The following NHEJ1 variants were observed in gnomAD, a reference collection of about 807,000 sequenced individuals.
NHEJ1 encodes the protein non-homologous end-joining factor 1.
Under a neutral mutation model 39.4 loss-of-function variants are expected in NHEJ1, and 22 were observed. That is an observed-to-expected ratio of 0.56 (90% CI 0.40 to 0.80). NHEJ1 has a LOEUF of 0.80. NHEJ1 is among the 30% of genes least tolerant of loss of function. NHEJ1 has a pLI of 0.00. For missense variants in NHEJ1, 329 were observed against 357.1 expected (o/e 0.92, Z 0.63); for synonymous variants, 154 against 135.6 (o/e 1.14, Z -0.94).
rs111837995 is a variant in NHEJ1, at chr2:219,158,092, C to T, written c.177+94G>A. On this transcript the variant is annotated intron_variant, in intron 2 of 7. Coordinates refer to ENST00000356853, the MANE Select transcript of NHEJ1 (RefSeq NM_024782.3). Reference sequence around the variant, plus strand: ...AGTACAGGACATTAACTGGAATTGTCTCAACCCGATTCAACCTTCCTTGGG... The same window carrying T: ...AGTACAGGACATTAACTGGAATTGTTTCAACCCGATTCAACCTTCCTTGGG... 38 of 1,315,732 alleles carry T rather than the reference C, an allele frequency of 2.9e-5. 1 individual carries two copies. The highest frequency in any genetic ancestry group is 2.8e-4 in the African/African-American group (19 of 68,998). The allele number at this position is 1,315,732 out of a possible 1,614,324, so 81.5% of individuals were successfully genotyped here. A position where few individuals can be genotyped will look rare whatever the true frequency, so the allele number is the denominator to read the frequency against.
At chr2:219,080,612 A>T (rs904299714) in intron 5 of NHEJ1, among the ~76,000 whole-genome samples, 1 of 121,060 alleles carries the variant, frequency 8.3e-6, no homozygotes, top group African/African-American at 2.8e-5. Context: ...AATATATATA[A>T]GCTTATATAT....
intron 3 of NHEJ1, among the ~76,000 whole-genome samples, chr2:219,153,175 C>G (rs1949814194): frequency 6.6e-6 from 1 of 152,148 alleles, no homozygotes. Flanking sequence ...TAATGCTAAA[C>G]ATAAGTAATA....
intron 3 of NHEJ1, among the ~76,000 whole-genome samples, chr2:219,151,034 G>C (rs1259548970): frequency 1.3e-5 from 2 of 151,454 alleles, no homozygotes; most frequent in African/African-American, 4.9e-5. Flanking sequence ...AGGCTGAGGT[G>C]GGAGAACTGC....
chr2:219,070,398 G>A lies in NHEJ1; in HGVS notation c.*5983C>T, dbSNP rs187052111. 2.0e-5 allele frequency among the ~76,000 whole-genome samples: 3 copies of A among 152,226 alleles called. No individual in the cohort carries two copies. In the East Asian group the frequency reaches 5.8e-4, roughly 29 times the overall value. Reference sequence around the variant, plus strand: ...GTAGAGATGGGGTTTCACCATGTTGGCCAGGCTGGTCTCAAATTCCTGACC... The same window carrying A: ...GTAGAGATGGGGTTTCACCATGTTGACCAGGCTGGTCTCAAATTCCTGACC... On this transcript the variant is annotated 3_prime_UTR_variant, in exon 8 of 8. Coordinates refer to ENST00000356853, the MANE Select transcript of NHEJ1 (RefSeq NM_024782.3).
At chr2:219,160,168 G>A (rs925527661) in intron 1 of NHEJ1, among the ~76,000 whole-genome samples, 7 of 152,164 alleles carry the variant, frequency 4.6e-5, no homozygotes, top group Admixed American at 3.3e-4. Context: ...TCCCGGCGGA[G>A]GGGTCCCTTG....
chr2:219,129,472 A>C (rs772302892), intron 5 of NHEJ1, among the ~76,000 whole-genome samples: 156 of 152,290 alleles, frequency 1.0e-3, no homozygotes, highest in Admixed American at 3.3e-3. Context: ...ACTCTGATAA[A>C]TCAAGAACCT....
chr2:219,147,793 G>C lies in NHEJ1; in HGVS notation c.393C>G (p.Val131=). 1 of 1,614,138 alleles carries C rather than the reference G, an allele frequency of 6.2e-7. No individual in the cohort carries two copies. ...FHCMLASPSL[V]SQHLIRPLMG... ...TCAGAGGACGAATCAAATGTTGGGA[G>C]ACCTTTGAGGGAAGAGATATCAATT... The change falls in exon 4 of 8, where the codon GTC becomes GTG. Residue 131 remains valine, a splice_region_variant and synonymous_variant. Coordinates refer to ENST00000356853, the MANE Select transcript of NHEJ1 (RefSeq NM_024782.3).
intron 5 of NHEJ1, among the ~76,000 whole-genome samples, chr2:219,136,227 T>C (rs1397202501): frequency 6.6e-6 from 1 of 152,072 alleles, no homozygotes; most frequent in Non-Finnish European, 1.5e-5. Context: ...ACCCCCTTTG[T>C]ATTCTTTCTT....
chr2:219,073,610 T>C lies in NHEJ1; in HGVS notation c.*2771A>G, dbSNP rs997014397. Among the ~76,000 whole-genome samples the C allele has an allele frequency of 6.6e-6, 1 of 152,200 alleles. No individual in the cohort carries two copies. The highest frequency in any genetic ancestry group is 6.5e-5 in the Admixed American group (1 of 15,284). On this transcript the variant is annotated 3_prime_UTR_variant, in exon 8 of 8. Transcript: ENST00000356853. The stretch of plus-strand genomic sequence containing the variant: ...TATTTCTCTACTTTTTAGGTCAAGT[T>C]CCTGCAGGAACTTCCTCGAGGTCCC...
chr2:219,116,822 T>C (rs1268861769), intron 5 of NHEJ1, among the ~76,000 whole-genome samples: 2 of 151,976 alleles, frequency 1.3e-5, no homozygotes, highest in Non-Finnish European at 2.9e-5. Flanking sequence ...AACAAACCAG[T>C]TTGATTGGGA....
chr2:219,078,309 T>C, intron 5 of NHEJ1, 103 bp from the exon 6 acceptor site: 3 of 1,009,276 alleles, frequency 3.0e-6, no homozygotes, highest in Non-Finnish European at 4.7e-6. Flanking sequence ...TGAATTAATA[T>C]AAAGCAGTTA....
At chr2:219,124,211 G>A (rs1391703563) in intron 5 of NHEJ1, among the ~76,000 whole-genome samples, 1 of 152,174 alleles carries the variant, frequency 6.6e-6, no homozygotes, top group East Asian at 1.9e-4. Flanking sequence ...GGAACTGGGA[G>A]GAGTAGGGAA....
intron 5 of NHEJ1, among the ~76,000 whole-genome samples, chr2:219,119,875 A>G (rs949096029): frequency 1.3e-5 from 2 of 152,226 alleles, no homozygotes; most frequent in Non-Finnish European, 2.9e-5. Flanking sequence ...CCAGTCCTAC[A>G]GCTCTTTGTG....
chr2:219,140,790 G>T (rs1240166398), intron 5 of NHEJ1, among the ~76,000 whole-genome samples: 1 of 152,226 alleles, frequency 6.6e-6, no homozygotes, highest in African/African-American at 2.4e-5. Context: ...CTACAGTGAA[G>T]AATAAATGTG....
intron 5 of NHEJ1, among the ~76,000 whole-genome samples, chr2:219,129,477 G>A (rs1453462023): frequency 6.6e-6 from 1 of 152,166 alleles, no homozygotes; most frequent in Non-Finnish European, 1.5e-5. Context: ...GATAAATCAA[G>A]AACCTTGGGG....
chr2:219,109,046 C>A (rs1033159102), intron 5 of NHEJ1, among the ~76,000 whole-genome samples: 1 of 152,202 alleles, frequency 6.6e-6, no homozygotes, highest in African/African-American at 2.4e-5. Context: ...AGTTAAGAGA[C>A]TTAGAATAAG....
intron 5 of NHEJ1, among the ~76,000 whole-genome samples, chr2:219,123,275 T>C (rs1949487970): frequency 6.6e-6 from 1 of 152,068 alleles, no homozygotes; most frequent in African/African-American, 2.4e-5. Context: ...GTAAGTAAAG[T>C]TCTATAGACT....
intron 3 of NHEJ1, among the ~76,000 whole-genome samples, chr2:219,148,617 T>C (rs1949765003): frequency 6.6e-6 from 1 of 152,008 alleles, no homozygotes; most frequent in African/African-American, 2.4e-5. Context: ...CAAGTAGCCC[T>C]CAAGAAAATA....
chr2:219,152,625 T>TTTTTTTTA (rs1307236427), intron 3 of NHEJ1, among the ~76,000 whole-genome samples: 1 of 151,442 alleles, frequency 6.6e-6, no homozygotes, highest in Non-Finnish European at 1.5e-5. Context: ...CACCCACCTA[T>TTTTTTTTA]TTTTTTTATT....
Sources: gnomAD v4.1 joint callset for allele counts (sites outside exome capture counted in the v4.1 genomes callset) on GRCh38, gnomAD v4.1.1 for gene constraint, MANE v1.5 for transcripts, NCBI Gene and HGNC (gene_info 2026-07-23, HGNC 2026-07-21) for gene names.